Variants in TMEM26 observed in about 807,000 individuals in gnomAD.
The protein encoded by TMEM26 is transmembrane protein 26.
Under a neutral mutation model 28.8 loss-of-function variants are expected in TMEM26, and 38 were observed. That is an observed-to-expected ratio of 1.32 (90% CI 1.02 to 1.73). The LOEUF (loss-of-function observed/expected upper bound fraction) is 1.73, where lower values mean the gene tolerates loss of function less well. Ranked by LOEUF, TMEM26 falls within the 40% of genes most tolerant of loss-of-function variation. TMEM26 has a pLI of 0.00. For synonymous variants in TMEM26, 227 were observed against 182.9 expected (o/e 1.24, Z -1.95); for missense variants, 518 against 447.1 (o/e 1.16, Z -1.43).
At chr10:61,431,621 G>T (rs554305758) in intron 2 of TMEM26, among the ~76,000 whole-genome samples, 1 of 152,060 alleles carries the variant, frequency 6.6e-6, no homozygotes, top group Non-Finnish European at 1.5e-5. Context: ...TGGTAACTGA[G>T]ATTCCTTTCT....
intron 1 of TMEM26, among the ~76,000 whole-genome samples, chr10:61,439,032 A>T (rs962648469): frequency 6.6e-6 from 1 of 152,220 alleles, no homozygotes; most frequent in Admixed American, 6.5e-5. Flanking sequence ...TCTGGTAAGA[A>T]CAAAGTGCTC....
At position 61,407,242 on chromosome 10, in the gene TMEM26, T is replaced by G. The variant is rs1035196756; in HGVS notation, c.*3080A>C. ...TACAAATGCATGCCTTTCCAGAGCT[T>G]TGGAAATGTTCAATTAAATAATGAG... On this transcript the variant is annotated 3_prime_UTR_variant, in exon 6 of 6. Transcript: ENST00000399298. 1 of 152,152 alleles carries G rather than the reference T, an allele frequency of 6.6e-6. No homozygotes were observed. Among genetic ancestry groups the G allele is most frequent in the African/African-American group, 2.4e-5 (1 of 41,444 alleles). 9.4% of individuals were successfully genotyped at this position (152,152 alleles called of 1,614,324 possible). A position where few individuals can be genotyped will look rare whatever the true frequency, so the allele number is the denominator to read the frequency against.
chr10:61,412,971 A>G (rs1274997869), intron 5 of TMEM26: 1 of 1,284,108 alleles, frequency 7.8e-7, no homozygotes, highest in South Asian at 1.3e-5. Context: ...AACTGCTCCT[A>G]TGTCTTCTGA....
Position 61,431,281 on chromosome 10 carries a change from C to G in TMEM26, c.322G>C (p.Asp108His), listed in dbSNP as rs929367203. Residue 108 changes from aspartate (D) to histidine (H), a missense_variant, in exon 3 of 6, where the codon GAC becomes CAC. Physicochemically the swap from Asp to His is moderately conservative, Grantham distance 81. Transcript: ENST00000399298. ...TTGGATGTCAATGTTTGATTGAAGT[C>G]TTCTTTTCTGCTGGTATTCTGTGAT... ...GTSQNTSRKE[D>H]FNQTLTSNEQ... The G allele has an allele frequency of 3.1e-6, 5 of 1,613,042 alleles. No individual in the cohort carries two copies. The African/African-American group carries it at 6.7e-5, about 22-fold the overall frequency.
In TMEM26 at chr10:61,450,361, A is replaced by T. The variant is rs529704109; in HGVS notation, c.191+2530T>A. ...CACCTTGCTTTACTCAGAATACTTC[A>T]CCTAGAAAGGGAATGTTCCCCAAAT... On this transcript the variant is annotated intron_variant, in intron 1 of 5. Transcript: ENST00000399298. Among the ~76,000 whole-genome samples the T allele has an allele frequency of 4.7e-4, 71 of 152,262 alleles. No individual in the cohort carries two copies. In the South Asian group the frequency reaches 0.014, roughly 31 times the overall value.
At chr10:61,425,068 T>C (rs956583413) in intron 4 of TMEM26, among the ~76,000 whole-genome samples, 4 of 152,152 alleles carry the variant, frequency 2.6e-5, no homozygotes, top group Non-Finnish European at 5.9e-5. Context: ...GGACTTACAG[T>C]TCCACATGGC....
At chr10:61,445,476 C>T (rs1182373570) in intron 1 of TMEM26, among the ~76,000 whole-genome samples, 3 of 152,134 alleles carry the variant, frequency 2.0e-5, no homozygotes, top group Non-Finnish European at 2.9e-5. Context: ...ACATTATCTA[C>T]CTCTTTGAGG....
intron 3 of TMEM26, among the ~76,000 whole-genome samples, chr10:61,430,398 A>C (rs1404934664): frequency 6.6e-6 from 1 of 151,992 alleles, no homozygotes; most frequent in Non-Finnish European, 1.5e-5. Flanking sequence ...TTTGGCCAGA[A>C]ATCTTCTCTA....
intron 4 of TMEM26, among the ~76,000 whole-genome samples, chr10:61,418,709 G>C (rs1839694095): frequency 6.6e-6 from 1 of 152,026 alleles, no homozygotes; most frequent in South Asian, 2.1e-4. Context: ...TCTGTAGCTT[G>C]CTACTTTGAG....
chr10:61,413,902 G>A, intron 4 of TMEM26: 1 of 989,882 alleles, frequency 1.0e-6, no homozygotes, highest in East Asian at 1.1e-4. Context: ...TCAGTGGGAG[G>A]ATTAATAATT....
At chr10:61,411,516 A>G (rs1336371286) in intron 5 of TMEM26, among the ~76,000 whole-genome samples, 1 of 152,256 alleles carries the variant, frequency 6.6e-6, no homozygotes, top group African/African-American at 2.4e-5. Context: ...TGAAAATTCA[A>G]GTGCTTATAT....
At chr10:61,418,493 T>C (rs934665067) in intron 4 of TMEM26, among the ~76,000 whole-genome samples, 4 of 151,940 alleles carry the variant, frequency 2.6e-5, no homozygotes, top group Admixed American at 2.0e-4. Context: ...GTAAATGCTG[T>C]ATGAAAAGAT....
intron 3 of TMEM26, among the ~76,000 whole-genome samples, chr10:61,429,936 T>C (rs1046101479): frequency 1.3e-5 from 2 of 152,078 alleles, no homozygotes; most frequent in Non-Finnish European, 2.9e-5. Flanking sequence ...CTTAACTATG[T>C]TTGTGCAAAA....
chr10:61,417,513 T>C (rs1839673366), intron 4 of TMEM26, among the ~76,000 whole-genome samples: 1 of 148,288 alleles, frequency 6.7e-6, no homozygotes. Context: ...GAAAAAATAA[T>C]AGAAAGGAAG....
At chr10:61,442,962 C>T (rs1840118933) in intron 1 of TMEM26, among the ~76,000 whole-genome samples, 2 of 152,152 alleles carry the variant, frequency 1.3e-5, no homozygotes, top group Non-Finnish European at 2.9e-5. Flanking sequence ...CCTCTGAATG[C>T]CTGGGAAGTC....
At chr10:61,416,154 C>T in intron 4 of TMEM26, 1 of 440,344 alleles carries the variant, frequency 2.3e-6, no homozygotes. Context: ...GATATTTTCA[C>T]AAGGTTTTTT....
chr10:61,432,535 G>T (rs373235842), intron 2 of TMEM26, among the ~76,000 whole-genome samples: 1 of 151,906 alleles, frequency 6.6e-6, no homozygotes, highest in South Asian at 2.1e-4. Flanking sequence ...AAAAGTTGAA[G>T]GTTTTTCAAA....
chr10:61,435,252 GC>G (rs1839985081), intron 2 of TMEM26, among the ~76,000 whole-genome samples: 1 of 152,086 alleles, frequency 6.6e-6, no homozygotes, highest in Non-Finnish European at 1.5e-5. Flanking sequence ...TACAATCTCG[GC>G]TCACTAAAAC....
intron 1 of TMEM26, among the ~76,000 whole-genome samples, chr10:61,445,843 A>G (rs1840171675): frequency 6.6e-6 from 1 of 152,148 alleles, no homozygotes; most frequent in South Asian, 2.1e-4. Flanking sequence ...CCACCGTTGG[A>G]AAAAAACTTA....
Sources: allele counts gnomAD v4.1 joint callset (sites outside exome capture counted in the v4.1 genomes callset), GRCh38; gene constraint gnomAD v4.1.1; transcripts MANE v1.5; gene names NCBI Gene and HGNC (gene_info 2026-07-23, HGNC 2026-07-21).